Variants in CREB5 observed in about 807,000 individuals in gnomAD.
The protein encoded by CREB5 is cAMP responsive element binding protein 5.
In CREB5, 19 loss-of-function variants were observed where a neutral mutation model predicts 57.1. The ratio of observed to expected loss-of-function variants is 0.33; its 90% confidence interval spans 0.23 to 0.49. CREB5 has a LOEUF of 0.49. Among genes scored for constraint, CREB5 ranks in the 20% least tolerant of loss-of-function variants. The pLI is 0.99. For missense variants in CREB5, 579 were observed against 671.6 expected (o/e 0.86, Z 1.52); for synonymous variants, 238 against 238.3 (o/e 1.00, Z 0.01).
At chr7:28,729,722 A>G (rs1279251659) in intron 7 of CREB5, among the ~76,000 whole-genome samples, 1 of 135,628 alleles carries the variant, frequency 7.4e-6, no homozygotes, top group African/African-American at 2.8e-5. Context: ...GTCCAGGAAT[A>G]AAAAGCAATG....
chr7:28,334,477 G>A (rs1329764895), intron 1 of CREB5, among the ~76,000 whole-genome samples: 1 of 152,072 alleles, frequency 6.6e-6, no homozygotes, highest in Non-Finnish European at 1.5e-5. Context: ...TTATATAGCT[G>A]TTTGCCATTT....
In CREB5 at chr7:28,676,464, G is replaced by A. The variant is rs372085282; in HGVS notation, c.465-42289G>A. Reference sequence around the variant, plus strand: ...CCACTTAGCAGGAGATGCAGCCCTTGATGACTCACAGGTCGCGATCCTCAT... The same window carrying A: ...CCACTTAGCAGGAGATGCAGCCCTTAATGACTCACAGGTCGCGATCCTCAT... On this transcript the variant is annotated intron_variant, in intron 5 of 10. Coordinates refer to ENST00000357727, the MANE Select transcript of CREB5 (RefSeq NM_182898.4). 4.8e-4 allele frequency among the ~76,000 whole-genome samples: 73 copies of A among 152,276 alleles called. 1 individual carries two copies. Among genetic ancestry groups the A allele is most frequent in the East Asian group, 2.5e-3 (13 of 5,184 alleles).
At chr7:28,759,277 G>A (rs186887674) in intron 7 of CREB5, among the ~76,000 whole-genome samples, 1 of 152,136 alleles carries the variant, frequency 6.6e-6, no homozygotes, top group Non-Finnish European at 1.5e-5. Context: ...ATCATGTCAA[G>A]TAAAAAGGAA....
intron 1 of CREB5, among the ~76,000 whole-genome samples, chr7:28,478,107 A>G (rs370501028): frequency 1.3e-5 from 2 of 152,188 alleles, no homozygotes; most frequent in East Asian, 3.9e-4. Flanking sequence ...CCATGTCTCA[A>G]AACAAACAGA....
intron 1 of CREB5, among the ~76,000 whole-genome samples, chr7:28,475,751 A>G (rs980646086): frequency 6.6e-6 from 1 of 152,106 alleles, no homozygotes; most frequent in African/African-American, 2.4e-5. Context: ...TGGGGTTCAG[A>G]TTGCAGGGAC....
At chr7:28,504,685 C>T (rs1346871740) in intron 3 of CREB5, among the ~76,000 whole-genome samples, 6 of 152,090 alleles carry the variant, frequency 3.9e-5, no homozygotes, top group African/African-American at 1.2e-4. Context: ...CATAAACACC[C>T]GTGTGTTACC....
chr7:28,736,066 T>G (rs1260474073), intron 7 of CREB5, among the ~76,000 whole-genome samples: 2 of 152,204 alleles, frequency 1.3e-5, no homozygotes, highest in Non-Finnish European at 2.9e-5. Context: ...CCCAAAGCTC[T>G]GGGATTACAG....
chr7:28,665,524 C>T (rs1799787985), intron 5 of CREB5, among the ~76,000 whole-genome samples: 1 of 152,058 alleles, frequency 6.6e-6, no homozygotes, highest in Non-Finnish European at 1.5e-5. Context: ...TATCAACTTA[C>T]CAAATGCCCT....
chr7:28,794,708 C>G (rs186866636), intron 7 of CREB5, among the ~76,000 whole-genome samples: 36 of 151,954 alleles, frequency 2.4e-4, no homozygotes, highest in South Asian at 1.7e-3. Flanking sequence ...TAAGAGACAC[C>G]CAGCCTTCAT....
chr7:28,744,340 CTTTTTTTTTTTT>C (rs753167682), intron 7 of CREB5, among the ~76,000 whole-genome samples: 1 of 88,826 alleles, frequency 1.1e-5, no homozygotes, highest in East Asian at 2.9e-4. Flanking sequence ...TTTAGTACCT[CTTTTTTTTTTTT>C]TTTTTTTTTT....
At chr7:28,781,463 A>G (rs1806967308) in intron 7 of CREB5, among the ~76,000 whole-genome samples, 2 of 152,192 alleles carry the variant, frequency 1.3e-5, no homozygotes, top group Admixed American at 1.3e-4. Flanking sequence ...TTGAAATGTA[A>G]AATTTGTGTT....
intron 5 of CREB5, among the ~76,000 whole-genome samples, chr7:28,641,926 G>C (rs1331451490): frequency 1.3e-5 from 2 of 152,174 alleles, no homozygotes; most frequent in Non-Finnish European, 2.9e-5. Flanking sequence ...GAAAAGGCAC[G>C]TGTGTGCACG....
At chr7:28,663,495 C>T (rs576134092) in intron 5 of CREB5, among the ~76,000 whole-genome samples, 8 of 152,196 alleles carry the variant, frequency 5.3e-5, no homozygotes, top group Admixed American at 1.3e-4. Context: ...TGTGAGCCAC[C>T]GCACTCGGCC....
At chr7:28,621,551 T>G (rs568334558) in intron 5 of CREB5, among the ~76,000 whole-genome samples, 1 of 152,316 alleles carries the variant, frequency 6.6e-6, no homozygotes, top group South Asian at 2.1e-4. Flanking sequence ...GGTTTTCCCT[T>G]GTTTATTTTG....
intron 3 of CREB5, among the ~76,000 whole-genome samples, chr7:28,503,811 G>T (rs1454324830): frequency 6.6e-6 from 1 of 152,164 alleles, no homozygotes; most frequent in East Asian, 1.9e-4. Flanking sequence ...AGCATCACCA[G>T]CCTCTTCAGC....
chr7:28,628,365 T>G (rs1260037114), intron 5 of CREB5, among the ~76,000 whole-genome samples: 1 of 152,186 alleles, frequency 6.6e-6, no homozygotes, highest in African/African-American at 2.4e-5. Flanking sequence ...GCTTATTGTC[T>G]GTCTCCTGTC....
At chr7:28,396,729 C>A (rs1787343954) in intron 1 of CREB5, among the ~76,000 whole-genome samples, 1 of 152,174 alleles carries the variant, frequency 6.6e-6, no homozygotes, top group South Asian at 2.1e-4. Context: ...AGGACTATAA[C>A]TCTTGGCTGC....
At chr7:28,577,144 C>T (rs999628700) in intron 5 of CREB5, among the ~76,000 whole-genome samples, 6 of 152,188 alleles carry the variant, frequency 3.9e-5, no homozygotes, top group African/African-American at 1.2e-4. Flanking sequence ...TGGCTAAGCG[C>T]TCAGCTTCCC....
At chr7:28,304,615 G>A (rs1024950790) in intron 1 of CREB5, among the ~76,000 whole-genome samples, 2 of 152,144 alleles carry the variant, frequency 1.3e-5, no homozygotes, top group African/African-American at 2.4e-5. Context: ...GCAATGAGAG[G>A]CATGCATAAA....
Sources: allele counts gnomAD v4.1 joint callset (sites outside exome capture counted in the v4.1 genomes callset), GRCh38; gene constraint gnomAD v4.1.1; transcripts MANE v1.5; gene names NCBI Gene and HGNC (gene_info 2026-07-23, HGNC 2026-07-21).